TNN: variants seen among roughly 807,000 people sequenced by gnomAD.
The protein encoded by TNN is tenascin-N.
A neutral mutation model predicts 134.4 loss-of-function variants in TNN; 122 were observed. The ratio of observed to expected loss-of-function variants is 0.91; its 90% CI spans 0.78 to 1.06. The LOEUF (loss-of-function observed/expected upper bound fraction) is 1.06, where lower values mean the gene tolerates loss of function less well. Among genes scored for constraint, TNN ranks in the 50% least tolerant of loss-of-function variants. The pLI is 0.00. For synonymous variants in TNN, 710 were observed against 670.3 expected, an observed-to-expected ratio of 1.06 and a Z score of -0.91; for missense variants, 1,739 against 1,699.4, an observed-to-expected ratio of 1.02 and a Z score of -0.41.
intron 1 of TNN, 109 bp downstream of exon 1, chr1:175,068,044 C>G (rs924280669): frequency 2.3e-6 from 1 of 426,154 alleles, no homozygotes; most frequent in Non-Finnish European, 4.7e-6. Context: ...GCCTGAAAAT[C>G]CGGGCAGTGT....
At position 175,129,694 on chromosome 1, in the gene TNN, GC is replaced by G. The variant is rs147311789; in HGVS notation, c.3330+950del. Among the ~76,000 whole-genome samples the G allele has an allele frequency of 3.8e-3, 581 of 152,052 alleles. 3 individuals are homozygous for G. The highest frequency in any genetic ancestry group is 0.013 in the African/African-American group (557 of 41,472). Reference sequence around the variant, plus strand: ...TGAGTCCCACAGAAAGAAGTGCCTGGCCTAAGTCATACAAGAATGACAAAGC... The same window carrying G: ...TGAGTCCCACAGAAAGAAGTGCCTGGCTAAGTCATACAAGAATGACAAAGC... On this transcript the variant is annotated intron_variant, in intron 15 of 18. Coordinates refer to ENST00000239462, the MANE Select transcript of TNN (RefSeq NM_022093.2).
chr1:175,145,552 C>CAAAAAAAAAAAAA (rs3028580), intron 18 of TNN, among the ~76,000 whole-genome samples: 1,271 of 28,902 alleles, frequency 0.044, 388 homozygotes, highest in Non-Finnish European at 0.055. Context: ...GACCCTGTCT[C>CAAAAAAAAAAAAA]AAAAAAAAAA....
At position 175,123,597 on chromosome 1, in the gene TNN, A is replaced by G. The variant is rs376203928; in HGVS notation, c.2848A>G (p.Met950Val). The G allele has an allele frequency of 1.9e-6, 3 of 1,614,066 alleles. No homozygotes were observed. The highest frequency in any genetic ancestry group is 1.1e-5 in the South Asian group (1 of 91,086). ...LTGLRPGMEY[M>V]VHVWAQKGAQ... is the part of the protein sequence containing the mutation. ...GGGCCTGAGACCAGGCATGGAGTAC[A>G]TGGTGCACGTGTGGGCCCAGAAGGG... The change falls in exon 12 of 19, where the codon ATG (methionine) becomes GTG (valine). Residue 950 changes from methionine (M) to valine (V), a missense_variant. Transcript: ENST00000239462.
chr1:175,080,629 GC>G (rs1674177857), intron 4 of TNN, among the ~76,000 whole-genome samples: 1 of 152,116 alleles, frequency 6.6e-6, no homozygotes, highest in Non-Finnish European at 1.5e-5. Context: ...ATGAAGACCT[GC>G]TAGATGGGGG....
At chr1:175,143,907 T>C (rs1348607310) in intron 17 of TNN, among the ~76,000 whole-genome samples, 1 of 146,080 alleles carries the variant, frequency 6.8e-6, no homozygotes, top group Non-Finnish European at 1.5e-5. Flanking sequence ...AGGGTGGCTG[T>C]CATGGGAGCA....
At chr1:175,115,209 C>T (rs1675132144) in intron 9 of TNN, among the ~76,000 whole-genome samples, 1 of 152,132 alleles carries the variant, frequency 6.6e-6, no homozygotes, top group Non-Finnish European at 1.5e-5. Flanking sequence ...CACTGATTCC[C>T]CAGTGGGCAA....
At chr1:175,129,703 A>G (rs1228254830) in intron 15 of TNN, among the ~76,000 whole-genome samples, 1 of 152,118 alleles carries the variant, frequency 6.6e-6, no homozygotes, top group Non-Finnish European at 1.5e-5. Context: ...GGCCTAAGTC[A>G]TACAAGAATG....
intron 15 of TNN, among the ~76,000 whole-genome samples, chr1:175,134,391 A>G (rs1325655851): frequency 1.3e-5 from 2 of 152,082 alleles, no homozygotes; most frequent in African/African-American, 4.8e-5. Flanking sequence ...CTGAAAATAC[A>G]AAAATTAGCC....
intron 7 of TNN, among the ~76,000 whole-genome samples, chr1:175,095,901 T>G (rs1317159660): frequency 6.6e-6 from 1 of 152,200 alleles, no homozygotes; most frequent in Non-Finnish European, 1.5e-5. Flanking sequence ...GAAGTTGGAA[T>G]AGAGAAGAAC....
intron 9 of TNN, among the ~76,000 whole-genome samples, chr1:175,110,718 G>A (rs532120488): frequency 6.6e-6 from 1 of 152,244 alleles, no homozygotes; most frequent in South Asian, 2.1e-4. Context: ...CTGTTCCATT[G>A]TGCCTATGTG....
chr1:175,146,913 T>G lies in TNN; in HGVS notation c.3760-18T>G. 1 of 1,287,894 alleles carries G rather than the reference T, an allele frequency of 7.8e-7. No homozygotes were observed. Among genetic ancestry groups the G allele is most frequent in the South Asian group, 1.7e-5 (1 of 58,778 alleles). The allele number at this position is 1,287,894 out of a possible 1,614,324, so 79.8% of individuals were successfully genotyped here. A position where few individuals can be genotyped will look rare whatever the true frequency, so the allele number is the denominator to read the frequency against. On this transcript the variant is annotated intron_variant, in intron 18 of 18. Transcript: ENST00000239462. ...TAAGAGCCTCTTCTTGATGTGGCTTTTTTTTTTTTTTTGGTAGGGGGTGAA... is the reference window on the plus strand; with the variant it reads ...TAAGAGCCTCTTCTTGATGTGGCTTGTTTTTTTTTTTTGGTAGGGGGTGAA...
intron 9 of TNN, among the ~76,000 whole-genome samples, chr1:175,111,473 C>T (rs375612824): frequency 4.1e-4 from 44 of 106,126 alleles, no homozygotes; most frequent in East Asian, 1.5e-3. Context: ...GGAAACAGAG[C>T]GAGACTCTGT....
chr1:175,098,186 C>T, intron 8 of TNN, 146 bp from the exon 9 acceptor site: 3 of 1,195,638 alleles, frequency 2.5e-6, no homozygotes, highest in Admixed American at 2.2e-5. Context: ...GCTACTTTCT[C>T]CTTAGACTCC....
intron 17 of TNN, among the ~76,000 whole-genome samples, chr1:175,141,886 CCTT>C (rs1675951779): frequency 6.6e-6 from 1 of 152,182 alleles, no homozygotes; most frequent in Admixed American, 6.5e-5. Flanking sequence ...GGTAGAAAAT[CCTT>C]CTGCAGAAAA....
At chr1:175,097,346 T>C (rs1674593710) in intron 7 of TNN, 71 bp from the exon 8 acceptor site, 1 of 1,573,080 alleles carries the variant, frequency 6.4e-7, no homozygotes, top group South Asian at 1.2e-5. Flanking sequence ...TCACTTTGAC[T>C]GTGTTCGTGC....
chr1:175,126,956 A>G lies in TNN; in HGVS notation c.2916A>G (p.Glu972=). ...AATTACCTGACTTTCTACGTACAGA[A>G]CTCGACCCTCCCAGAAACCTTCGTC... ...SKKADTKAQT[E]LDPPRNLRPS... The change falls in exon 13 of 19, where the codon GAA becomes GAG. Residue 972 remains glutamate, a splice_region_variant and synonymous_variant. Transcript: ENST00000239462. 1 of 1,610,878 alleles carries G rather than the reference A, an allele frequency of 6.2e-7. No individual in the cohort carries two copies. Among genetic ancestry groups the G allele is most frequent in the South Asian group, 1.1e-5 (1 of 90,182 alleles).
chr1:175,084,643 C>A (rs1049930139), intron 5 of TNN, among the ~76,000 whole-genome samples: 1 of 152,162 alleles, frequency 6.6e-6, no homozygotes, highest in Non-Finnish European at 1.5e-5. Flanking sequence ...CCTCCTGGAG[C>A]CTTGTTCTGC....
At chr1:175,128,803 A>G (rs1157179077) in intron 15 of TNN, 57 bp downstream of exon 15, 11 of 1,536,560 alleles carry the variant, frequency 7.2e-6, no homozygotes, top group South Asian at 1.2e-5. Flanking sequence ...TCAGCCCAGG[A>G]TGCCGGTCAT....
intron 12 of TNN, among the ~76,000 whole-genome samples, chr1:175,124,657 G>C (rs928393263): frequency 6.6e-6 from 1 of 151,178 alleles, no homozygotes; most frequent in Non-Finnish European, 1.5e-5. Context: ...CTCCAGCCTG[G>C]GCAACAAAGA....
Sources: gnomAD v4.1 joint callset for allele counts (sites outside exome capture counted in the v4.1 genomes callset) on GRCh38, gnomAD v4.1.1 for gene constraint, MANE v1.5 for transcripts, NCBI Gene and HGNC (gene_info 2026-07-23, HGNC 2026-07-21) for gene names.